Variants in CACNG2 observed in about 807,000 individuals in gnomAD.
CACNG2 encodes calcium voltage-gated channel auxiliary subunit gamma 2, also known as voltage-dependent calcium channel gamma-2 subunit.
In CACNG2, 3 loss-of-function variants were observed where a neutral mutation model predicts 25.9. The ratio of observed to expected loss-of-function variants is 0.12; its 90% CI spans 0.05 to 0.30. The LOEUF (loss-of-function observed/expected upper bound fraction) is 0.30. Ranked by LOEUF, CACNG2 falls within the 10% of genes least tolerant of loss-of-function variation. The pLI, the probability that CACNG2 is intolerant of heterozygous loss-of-function variation, is 1.00. For missense variants in CACNG2, 341 were observed against 432.5 expected, an observed-to-expected ratio of 0.79 and a Z score of 1.88; for synonymous variants, 167 against 173.3, an observed-to-expected ratio of 0.96 and a Z score of 0.29.
rs79120436 is a variant in CACNG2, at chr22:36,643,430, G to A, written c.212-55882C>T. The stretch of plus-strand genomic sequence containing the variant: ...ATGAACAAAATAGACAAAACTCTTT[G>A]CTTATTTGGGACTTACATTCTAATG... On this transcript the variant is annotated intron_variant, in intron 1 of 3. Coordinates refer to ENST00000300105, the MANE Select transcript of CACNG2 (RefSeq NM_006078.5). Among the ~76,000 whole-genome samples, 509 of 151,970 alleles carry A rather than the reference G, an allele frequency of 3.3e-3. 7 individuals are homozygous for A. Among genetic ancestry groups the A allele is most frequent in the African/African-American group, 0.012 (490 of 41,420 alleles).
intron 2 of CACNG2, among the ~76,000 whole-genome samples, chr22:36,577,034 G>A (rs546774419): frequency 1.3e-5 from 2 of 152,272 alleles, no homozygotes; most frequent in Non-Finnish European, 2.9e-5. Context: ...CACAGGCTCA[G>A]GAGAAAGGCT....
intron 1 of CACNG2, among the ~76,000 whole-genome samples, chr22:36,674,739 G>A (rs141710180): frequency 4.1e-4 from 63 of 152,324 alleles, no homozygotes; most frequent in Non-Finnish European, 6.5e-4. Context: ...TGAGTCCCAG[G>A]ACCCTATTCT....
chr22:36,659,401 T>G (rs1936755550), intron 1 of CACNG2, among the ~76,000 whole-genome samples: 1 of 151,928 alleles, frequency 6.6e-6, no homozygotes, highest in Non-Finnish European at 1.5e-5. Flanking sequence ...GTTAACCAGG[T>G]CAAAGGCTGC....
In CACNG2 at chr22:36,699,196, C is replaced by T. The variant is rs1419714508; in HGVS notation, c.211+3170G>A. Reference sequence around the variant, plus strand: ...ACTGTCATCTCCCACCCACGCTCCTCGAATCCCCCTAAGGACACCAGCCTG... The same window carrying T: ...ACTGTCATCTCCCACCCACGCTCCTTGAATCCCCCTAAGGACACCAGCCTG... On this transcript the variant is annotated intron_variant, in intron 1 of 3. Coordinates refer to ENST00000300105, the MANE Select transcript of CACNG2 (RefSeq NM_006078.5). 3.3e-5 allele frequency among the ~76,000 whole-genome samples: 5 copies of T among 151,856 alleles called. No homozygotes were observed. The East Asian group carries it at 7.8e-4, about 24-fold the overall frequency.
In CACNG2 at chr22:36,564,087, T is replaced by C. The variant is rs1404811956; in HGVS notation, c.*264A>G. The C allele has an allele frequency of 2.9e-6, 1 of 350,760 alleles. No individual in the cohort carries two copies. 21.7% of individuals were successfully genotyped at this position (350,760 alleles called of 1,614,324 possible). ...CGCTTTTTTTTAAAGTTTGTTTTCTTCCCTCGTTTATATTTTCCCACATTT... is the reference window on the plus strand; with the variant it reads ...CGCTTTTTTTTAAAGTTTGTTTTCTCCCCTCGTTTATATTTTCCCACATTT... On this transcript the variant is annotated 3_prime_UTR_variant, in exon 4 of 4. Coordinates refer to ENST00000300105, the MANE Select transcript of CACNG2 (RefSeq NM_006078.5). This position sits in a 1 kb window ranked among gnomAD's most constrained non-coding sequence, Gnocchi z 6.7.
intron 1 of CACNG2, among the ~76,000 whole-genome samples, chr22:36,640,733 A>G (rs1056872967): frequency 6.6e-6 from 1 of 152,064 alleles, no homozygotes; most frequent in African/African-American, 2.4e-5. Context: ...CAGCCTGTCC[A>G]CCCAGCAGCC....
intron 1 of CACNG2, among the ~76,000 whole-genome samples, chr22:36,656,697 C>A (rs1936710836): frequency 6.6e-6 from 1 of 152,196 alleles, no homozygotes; most frequent in South Asian, 2.1e-4. Flanking sequence ...GGGCCTTGGC[C>A]TCCTTGCACC....
intron 1 of CACNG2, among the ~76,000 whole-genome samples, chr22:36,647,646 C>A (rs1936546770): frequency 6.6e-6 from 1 of 152,142 alleles, no homozygotes; most frequent in Non-Finnish European, 1.5e-5. Flanking sequence ...TCTTCTCTAG[C>A]TACCCTGCCT....
chr22:36,661,217 C>T (rs1489530790), intron 1 of CACNG2, among the ~76,000 whole-genome samples: 4 of 152,204 alleles, frequency 2.6e-5, no homozygotes, highest in South Asian at 2.1e-4. Flanking sequence ...CCATGTACGT[C>T]GGAGGCAGTA....
At chr22:36,692,872 G>A (rs952413692) in intron 1 of CACNG2, among the ~76,000 whole-genome samples, 12 of 152,314 alleles carry the variant, frequency 7.9e-5, no homozygotes, top group South Asian at 4.1e-4. Context: ...GAAGCCAGGC[G>A]CAGTGGCTCA....
chr22:36,564,303 C>T lies in CACNG2; in HGVS notation c.*48G>A. 2 of 1,568,276 alleles carry T rather than the reference C, an allele frequency of 1.3e-6. No homozygotes were observed. Among genetic ancestry groups the T allele is most frequent in the Non-Finnish European group, 1.7e-6 (2 of 1,153,108 alleles). On this transcript the variant is annotated 3_prime_UTR_variant, in exon 4 of 4. Transcript: ENST00000300105. The surrounding 1 kb of genome is among the most constrained non-coding windows in gnomAD (Gnocchi z 6.7). Reference sequence around the variant, plus strand: ...GGGTCTCCCCGCCCCGCCCCGCCCCCGGGGACCGCGCCCTCCTCCCGCGGT... The same window carrying T: ...GGGTCTCCCCGCCCCGCCCCGCCCCTGGGGACCGCGCCCTCCTCCCGCGGT...
At chr22:36,582,727 C>T (rs1935439883) in intron 2 of CACNG2, among the ~76,000 whole-genome samples, 1 of 151,536 alleles carries the variant, frequency 6.6e-6, no homozygotes, top group Non-Finnish European at 1.5e-5. Flanking sequence ...TTCTTGATCC[C>T]ATCCCTACTC....
chr22:36,566,969 T>C (rs1256574756), intron 2 of CACNG2, among the ~76,000 whole-genome samples: 2 of 152,242 alleles, frequency 1.3e-5, no homozygotes, highest in South Asian at 2.1e-4. Context: ...CCTGACTTCC[T>C]TAGGCAAAGT....
intron 1 of CACNG2, among the ~76,000 whole-genome samples, chr22:36,588,986 C>CTG (rs1935546321): frequency 7.7e-6 from 1 of 129,186 alleles, no homozygotes; most frequent in Non-Finnish European, 1.6e-5. Flanking sequence ...TTACATATAC[C>CTG]TTTTTTTTTT....
intron 1 of CACNG2, among the ~76,000 whole-genome samples, chr22:36,597,512 A>G (rs1192609739): frequency 6.6e-6 from 1 of 152,244 alleles, no homozygotes; most frequent in East Asian, 1.9e-4. Flanking sequence ...TAAGGGGATT[A>G]ACTTTGAAGA....
At chr22:36,614,891 G>C (rs866207219) in intron 1 of CACNG2, among the ~76,000 whole-genome samples, 41 of 152,348 alleles carry the variant, frequency 2.7e-4, no homozygotes, top group South Asian at 1.2e-3. Context: ...TGCACATGGA[G>C]AAAGAAGCTT....
chr22:36,688,074 A>G (rs1437455134), intron 1 of CACNG2, among the ~76,000 whole-genome samples: 2 of 152,194 alleles, frequency 1.3e-5, no homozygotes. Flanking sequence ...TATAATGGGT[A>G]AAATGAGAAT....
chr22:36,653,630 A>G (rs533810158), intron 1 of CACNG2, among the ~76,000 whole-genome samples: 47 of 151,170 alleles, frequency 3.1e-4, no homozygotes, highest in Non-Finnish European at 3.4e-4. Context: ...AAGTAAGAAG[A>G]GTTCCAAGGG....
At chr22:36,635,031 C>T (rs1179369282) in intron 1 of CACNG2, among the ~76,000 whole-genome samples, 2 of 152,120 alleles carry the variant, frequency 1.3e-5, no homozygotes, top group Non-Finnish European at 2.9e-5. Flanking sequence ...CGCCTGTAAT[C>T]CCAGCACTTT....
Sources: gnomAD v4.1 joint callset for allele counts (sites outside exome capture counted in the v4.1 genomes callset) on GRCh38, gnomAD v4.1.1 for gene constraint, Gnocchi (gnomAD v3.1) non-coding constraint, MANE v1.5 for transcripts, NCBI Gene and HGNC (gene_info 2026-07-23, HGNC 2026-07-21) for gene names.